The following ANKRD17 variants were observed in gnomAD, a reference collection of about 807,000 sequenced individuals.
ANKRD17 encodes ankyrin repeat domain-containing protein 17.
In ANKRD17, 19 loss-of-function variants were observed where a neutral mutation model predicts 229.7. That is an observed-to-expected ratio of 0.08 (90% CI 0.06 to 0.12). The LOEUF (loss-of-function observed/expected upper bound fraction) is 0.12, where lower values mean the gene tolerates loss of function less well. ANKRD17 is among the 10% of genes least tolerant of loss of function. ANKRD17 has a pLI of 1.00. For synonymous variants in ANKRD17, 1,112 were observed against 1,146.1 expected (o/e 0.97, Z 0.60); for missense variants, 2,176 against 3,176.8 (o/e 0.68, Z 7.57).
intron 1 of ANKRD17, among the ~76,000 whole-genome samples, chr4:73,194,381 A>G (rs577400208): frequency 6.6e-6 from 1 of 152,348 alleles, no homozygotes; most frequent in South Asian, 2.1e-4. Context: ...TTGCCTTGGC[A>G]TCTCTGTCAA....
In ANKRD17 at chr4:73,077,016, G is replaced by A; in HGVS notation, c.7676C>T (p.Pro2559Leu). 2.5e-6 allele frequency: 4 copies of A among 1,613,716 alleles called. No homozygotes were observed. The highest frequency in any genetic ancestry group is 1.1e-5 in the South Asian group (1 of 90,968). The change falls in exon 33 of 34, where the codon CCT becomes CTT. Residue 2559 changes from proline (P) to leucine (L), a missense_variant. Physicochemically the swap from Pro to Leu is moderately conservative, Grantham distance 98 (BLOSUM62 -3). This residue lies in a region of ANKRD17 where 159 missense variants were observed against 214.3 expected (regional missense o/e 0.74). Transcript: ENST00000358602. The part of the protein sequence containing the change: ...DGAGGPIFNG[P>L]HAADPSWNSL... ...GTTCCAAGAAGGGTCTGCAGCATGA[G>A]GGCCATTAAATATGGGTCCTCCAGC...
At chr4:73,256,400 T>A (rs1297467015) in intron 1 of ANKRD17, among the ~76,000 whole-genome samples, 1 of 152,234 alleles carries the variant, frequency 6.6e-6, no homozygotes, top group East Asian at 1.9e-4. Flanking sequence ...CACGAGAATT[T>A]AAAATTTTAA....
intron 28 of ANKRD17, 152 bp from the exon 29 acceptor site, chr4:73,092,452 G>A: frequency 1.5e-6 from 1 of 655,320 alleles, no homozygotes; most frequent in Non-Finnish European, 2.5e-6. Context: ...ACAAAAGCTG[G>A]GCAGCAATTT....
chr4:73,179,484 G>GTATATATATA (rs1287512668), intron 1 of ANKRD17, among the ~76,000 whole-genome samples: 8 of 65,672 alleles, frequency 1.2e-4, no homozygotes, highest in Non-Finnish European at 1.7e-4. Flanking sequence ...GTGTGTGTGT[G>GTATATATATA]TGTGTATATA....
chr4:73,111,822 T>C, intron 24 of ANKRD17, among the ~76,000 whole-genome samples: 1 of 152,228 alleles, frequency 6.6e-6, no homozygotes, highest in Non-Finnish European at 1.5e-5. Context: ...AGTGTGAACA[T>C]TTATTCATTC....
chr4:73,216,735 T>G (rs539137052), intron 1 of ANKRD17, among the ~76,000 whole-genome samples: 2 of 152,330 alleles, frequency 1.3e-5, no homozygotes, highest in African/African-American at 4.8e-5. Context: ...GTAGCTAATG[T>G]GCCAATTACT....
chr4:73,172,555 A>G (rs929218853), intron 2 of ANKRD17, among the ~76,000 whole-genome samples: 3 of 152,240 alleles, frequency 2.0e-5, no homozygotes, highest in African/African-American at 7.2e-5. Flanking sequence ...TACCTTAAGT[A>G]GAAGCACTGA....
intron 2 of ANKRD17, 111 bp from the exon 3 acceptor site, chr4:73,161,459 A>G (rs1732510246): frequency 1.9e-6 from 2 of 1,069,122 alleles, no homozygotes; most frequent in Non-Finnish European, 2.7e-6. Context: ...TCCAAATGGT[A>G]GAGTAGACAT....
chr4:73,229,135 G>C (rs1326256786), intron 1 of ANKRD17, among the ~76,000 whole-genome samples: 1 of 152,136 alleles, frequency 6.6e-6, no homozygotes, highest in African/African-American at 2.4e-5. Flanking sequence ...GCCTGTTGTG[G>C]GGTAGGGGGA....
At chr4:73,122,961 T>C (rs1386172329) in intron 18 of ANKRD17, among the ~76,000 whole-genome samples, 1 of 152,066 alleles carries the variant, frequency 6.6e-6, no homozygotes, top group Admixed American at 6.6e-5. Context: ...TATAGTAAAA[T>C]GACTTTCCAA....
intron 19 of ANKRD17, 37 bp downstream of exon 19, chr4:73,121,580 C>A: frequency 6.2e-7 from 1 of 1,610,858 alleles, no homozygotes; most frequent in Non-Finnish European, 8.5e-7. Context: ...AACAGTCTTA[C>A]TAAATAAGGG....
Position 73,216,329 on chromosome 4 carries a change from T to C in ANKRD17, c.394-38796A>G, listed in dbSNP as rs1286316252. On this transcript the variant is annotated intron_variant, in intron 1 of 33. Transcript: ENST00000358602. ...ATTTTAATTTTCTTTAAACTATAAT[T>C]TCTAATATAGTAAATAGTGATAGAT... is the stretch of plus-strand genomic sequence containing the variant. 2.0e-5 allele frequency among the ~76,000 whole-genome samples: 3 copies of C among 152,142 alleles called. No homozygotes were observed. The East Asian group carries it at 5.8e-4, about 29-fold the overall frequency.
Position 73,244,102 on chromosome 4 carries a change from G to A in ANKRD17, c.393+14174C>T, listed in dbSNP as rs79684583. Among the ~76,000 whole-genome samples the A allele has an allele frequency of 2.6e-3, 395 of 151,970 alleles. 4 individuals are homozygous for A. Among genetic ancestry groups the A allele is most frequent in the African/African-American group, 3.9e-3 (161 of 41,444 alleles). On this transcript the variant is annotated intron_variant, in intron 1 of 33. Coordinates refer to ENST00000358602, the MANE Select transcript of ANKRD17 (RefSeq NM_032217.5). ...CTTTTCTCTGTGGGCATGTATCTCC[G>A]GTGTCCTGTGTTCAAATGTCCTCTT...
chr4:73,203,772 A>C (rs949667303), intron 1 of ANKRD17, among the ~76,000 whole-genome samples: 6 of 151,202 alleles, frequency 4.0e-5, no homozygotes, highest in Admixed American at 3.9e-4. Flanking sequence ...AAAAAAAAAA[A>C]AAAAAAAGAA....
chr4:73,232,146 T>C (rs1348288275), intron 1 of ANKRD17, among the ~76,000 whole-genome samples: 6 of 152,138 alleles, frequency 3.9e-5, no homozygotes, highest in Non-Finnish European at 8.8e-5. Flanking sequence ...ACACAATGGG[T>C]CCTCAGCAAA....
At chr4:73,191,339 A>ATGTGTGTGTGTGTGTGTGTG (rs1203366910) in intron 1 of ANKRD17, among the ~76,000 whole-genome samples, 291 of 60,780 alleles carry the variant, frequency 4.8e-3, no homozygotes, top group South Asian at 8.5e-3. Flanking sequence ...CAAAAAATAT[A>ATGTGTGTGTGTGTGTGTGTG]TATGTGTGTG....
intron 27 of ANKRD17, 144 bp downstream of exon 27, chr4:73,096,973 G>T: frequency 1.1e-6 from 1 of 912,268 alleles, no homozygotes; most frequent in Non-Finnish European, 1.6e-6. Flanking sequence ...ATATGGCACA[G>T]GCTCTCTCTG....
At chr4:73,133,212 C>T (rs988805386) in intron 16 of ANKRD17, among the ~76,000 whole-genome samples, 12 of 151,724 alleles carry the variant, frequency 7.9e-5, no homozygotes, top group African/African-American at 2.9e-4. Context: ...ATTGCCACTG[C>T]ACTCCAGCCT....
At chr4:73,094,272 ATAGT>A (rs980702983) in intron 27 of ANKRD17, 44 bp from the exon 28 acceptor site, 3 of 1,527,952 alleles carry the variant, frequency 2.0e-6, no homozygotes, top group Non-Finnish European at 2.7e-6. Flanking sequence ...GTCATTAACA[ATAGT>A]TATTGTAATT....
Sources: allele counts gnomAD v4.1 joint callset (sites outside exome capture counted in the v4.1 genomes callset), GRCh38; gene constraint gnomAD v4.1.1; regional missense constraint gnomAD v4.1.1; transcripts MANE v1.5; gene names NCBI Gene and HGNC (gene_info 2026-07-23, HGNC 2026-07-21).